TIMM50: variants seen among roughly 807,000 people sequenced by gnomAD.
TIMM50 encodes the protein mitochondrial import inner membrane translocase subunit TIM50.
A neutral mutation model predicts 49.6 loss-of-function variants in TIMM50; 34 were observed. That is an observed-to-expected ratio of 0.69 (90% confidence interval 0.52 to 0.91). The LOEUF is 0.91. TIMM50 is among the 40% of genes least tolerant of loss of function. The pLI is 0.00. For missense variants in TIMM50, 458 were observed against 477.8 expected, an observed-to-expected ratio of 0.96 and a Z score of 0.39; for synonymous variants, 199 against 198.4, an observed-to-expected ratio of 1.00 and a Z score of -0.03.
Position 39,488,603 on chromosome 19 carries a change from C to T in TIMM50, c.918C>T (p.Asp306=). The change falls in exon 10 of 11, where the codon GAC becomes GAT. Residue 306 remains aspartate, a synonymous_variant. Transcript: ENST00000607714. ...TVLEHYALED[D]PLAAFKQRQS... Reference sequence around the variant, plus strand: ...TGGAGCACTATGCCCTGGAGGATGACCCGCTGGCGGCTTTCAAACAGCGGC... The same window carrying T: ...TGGAGCACTATGCCCTGGAGGATGATCCGCTGGCGGCTTTCAAACAGCGGC... The T allele has an allele frequency of 6.2e-7, 1 of 1,613,650 alleles. No homozygotes were observed. Among genetic ancestry groups the T allele is most frequent in the Non-Finnish European group, 8.5e-7 (1 of 1,180,024 alleles).
In TIMM50 at chr19:39,486,477, G is replaced by C. The variant is rs1056501835; in HGVS notation, c.678G>C (p.Met226Ile). 4 of 1,614,036 alleles carry C rather than the reference G, an allele frequency of 2.5e-6. No individual in the cohort carries two copies. Among genetic ancestry groups the C allele is most frequent in the African/African-American group, 1.3e-5 (1 of 74,922 alleles). ...TATTCCGGGACGCCACAAGATACATGGATGGACACCATGTAAAGGTGCCGT... is the reference window on the plus strand; with the variant it reads ...TATTCCGGGACGCCACAAGATACATCGATGGACACCATGTAAAGGTGCCGT... ...YRLFRDATRY[M>I]DGHHVKDISC... is the part of the protein sequence containing the mutation. The change falls in exon 8 of 11, where the codon ATG (methionine) becomes ATC (isoleucine). Residue 226 changes from methionine to isoleucine, a missense_variant. Physicochemically the swap from Met to Ile is conservative, Grantham distance 10. Coordinates refer to ENST00000607714, the MANE Select transcript of TIMM50 (RefSeq NM_001001563.5).
At position 39,480,844 on chromosome 19, in the gene TIMM50, T is replaced by A; in HGVS notation, c.-10T>A. 6 of 1,594,894 alleles carry A rather than the reference T, an allele frequency of 3.8e-6. No homozygotes were observed. The highest frequency in any genetic ancestry group is 4.3e-6 in the Non-Finnish European group (5 of 1,171,660). On this transcript the variant is annotated 5_prime_UTR_variant, in exon 1 of 11. Coordinates refer to ENST00000607714, the MANE Select transcript of TIMM50 (RefSeq NM_001001563.5). ...AGCGAGTGGGCGGGGCCGCGTGGCG[T>A]CAGCGCAAGATGGCGGCCTCGGCAG...
intron 8 of TIMM50, among the ~76,000 whole-genome samples, chr19:39,487,748 C>A (rs1320757634): frequency 2.6e-5 from 4 of 152,112 alleles, no homozygotes. Context: ...CGTGAGCCAC[C>A]GCACCCGGCC....
At chr19:39,485,996 C>T in intron 6 of TIMM50, 189 bp downstream of exon 6, 6 of 1,125,598 alleles carry the variant, frequency 5.3e-6, no homozygotes, top group Non-Finnish European at 7.7e-6. Context: ...TAGGTGTGCC[C>T]AGGCACGCTA....
rs143110890 is a variant in TIMM50 at position 39,487,838 on chromosome 19, C to T, written c.697-223C>T. Among the ~76,000 whole-genome samples the T allele has an allele frequency of 2.9e-3, 434 of 152,222 alleles. 2 individuals carry two copies. Among genetic ancestry groups the T allele is most frequent in the African/African-American group, 1.0e-2 (415 of 41,524 alleles). ...AACTCCTGACCTCAGGTGATCCGCC[C>T]GCCTCGGCCTCCCAAAGTGCTGGGA... On this transcript the variant is annotated intron_variant, in intron 8 of 10. Coordinates refer to ENST00000607714, the MANE Select transcript of TIMM50 (RefSeq NM_001001563.5).
Position 39,488,207 on chromosome 19 carries a change from C to T in TIMM50, c.843C>T (p.Ala281=). 1.9e-6 allele frequency: 3 copies of T among 1,612,794 alleles called. No individual in the cohort carries two copies. The highest frequency in any genetic ancestry group is 1.7e-5 in the Admixed American group (1 of 59,972). ...ACCGGGTCTTGTTGGATCTGTCTGC[C>T]TTCCTCAAGAGTAAGGCTGACCCCT... ...SDDRVLLDLS[A]FLKTIALNGV... The change falls in exon 9 of 11, where the codon GCC becomes GCT. Residue 281 remains alanine (A), a synonymous_variant. Transcript: ENST00000607714.
In TIMM50 at chr19:39,490,377, A is replaced by AT. The variant is rs56770869; in HGVS notation, c.*573dup. The AT allele has an allele frequency of 0.018, 2,588 of 141,376 alleles. 50 individuals are homozygous for AT. Among genetic ancestry groups the AT allele is most frequent in the African/African-American group, 0.053 (2,035 of 38,462 alleles). 8.8% of individuals were successfully genotyped at this position (141,376 alleles called of 1,614,324 possible). On this transcript the variant is annotated 3_prime_UTR_variant, in exon 11 of 11. Transcript: ENST00000607714. ...TCAAAAGAAGCAAGAACTTGGGAAT[A>AT]TTTTTTTTTTTTTTTTGAGACAGGG...
chr19:39,486,392 C>A lies in TIMM50; in HGVS notation c.598-5C>A. ...GACCTTTTCTCGCTCCCTTCCCACC[C>A]CCAGACTGCGTTTCCACTCATTGAT... On this transcript the variant is annotated splice_polypyrimidine_tract_variant and splice_region_variant and intron_variant, in intron 7 of 10. Coordinates refer to ENST00000607714, the MANE Select transcript of TIMM50 (RefSeq NM_001001563.5). 1 of 1,614,114 alleles carries A rather than the reference C, an allele frequency of 6.2e-7. No individual in the cohort carries two copies. Among genetic ancestry groups the A allele is most frequent in the East Asian group, 2.2e-5 (1 of 44,886 alleles).
intron 10 of TIMM50, among the ~76,000 whole-genome samples, chr19:39,489,019 TGTGATA>T (rs2079526816): frequency 6.6e-6 from 1 of 151,674 alleles, no homozygotes; most frequent in Non-Finnish European, 1.5e-5. Flanking sequence ...TGGGGAGAGA[TGTGATA>T]GTCTTGGTGG....
rs756048788 is a variant in TIMM50, at chr19:39,482,945, C to CT, written c.291+29_291+30insT. 5.0e-6 allele frequency: 8 copies of CT among 1,614,146 alleles called. No homozygotes were observed. In the East Asian group the frequency reaches 1.6e-4, roughly 31 times the overall value. On this transcript the variant is annotated intron_variant, in intron 3 of 10. Transcript: ENST00000607714. ...AGGGGGAAAGAGACCGAGGCCTTGC[C>CT]AGGAGTCCTAGTCTGTGGGTGAGAG...
chr19:39,493,599 C>G lies in TIMM50; in HGVS notation c.*3779C>G, dbSNP rs941888986. ...TGATTAACCCTGCAAATTTCCTTCT[C>G]CTGGCTCAGAAGCACCCCCACTGAG... On this transcript the variant is annotated 3_prime_UTR_variant, in exon 11 of 11. Coordinates refer to ENST00000607714, the MANE Select transcript of TIMM50 (RefSeq NM_001001563.5). The G allele has an allele frequency of 6.6e-6, 1 of 152,170 alleles. No individual in the cohort carries two copies. The highest frequency in any genetic ancestry group is 2.4e-5 in the African/African-American group (1 of 41,430). The allele number at this position is 152,170 out of a possible 1,614,324, so 9.4% of individuals were successfully genotyped here.
intron 4 of TIMM50, among the ~76,000 whole-genome samples, chr19:39,484,032 T>C (rs1323837163): frequency 6.6e-6 from 1 of 151,964 alleles, no homozygotes; most frequent in Non-Finnish European, 1.5e-5. Flanking sequence ...TTTTATAGTT[T>C]TAGTAGAGAC....
chr19:39,489,529 T>G (rs1324692091), intron 10 of TIMM50, among the ~76,000 whole-genome samples, 190 bp from the exon 11 acceptor site: 2 of 149,886 alleles, frequency 1.3e-5, no homozygotes, highest in Admixed American at 6.6e-5. Flanking sequence ...GTGTCTGGGG[T>G]GGGGGGACTG....
intron 9 of TIMM50, 91 bp from the exon 10 acceptor site, chr19:39,488,448 C>T: frequency 8.0e-7 from 1 of 1,249,672 alleles, no homozygotes; most frequent in East Asian, 2.3e-5. Flanking sequence ...ACTGACTGCC[C>T]CCGTGCCCCA....
intron 4 of TIMM50, chr19:39,485,047 C>T (rs1289806804): frequency 6.1e-6 from 1 of 164,600 alleles, no homozygotes; most frequent in East Asian, 1.7e-4. Flanking sequence ...ACCTCCACCT[C>T]CCGGGTTCAA....
At chr19:39,483,324 C>T in intron 4 of TIMM50, 168 bp downstream of exon 4, 1 of 823,470 alleles carries the variant, frequency 1.2e-6, no homozygotes, top group East Asian at 2.6e-5. Flanking sequence ...AAAGCCCAAG[C>T]CCACTTCCCT....
Position 39,480,879 on chromosome 19 carries a change from C to T in TIMM50, c.26C>T (p.Ser9Leu), listed in dbSNP as rs35135520. Residue 9 changes from serine (S) to leucine (L), a missense_variant, in exon 1 of 11, where the codon TCG becomes TTG. Physicochemically the swap from Ser to Leu is moderately radical, Grantham distance 145 (BLOSUM62 -2). Coordinates refer to ENST00000607714, the MANE Select transcript of TIMM50 (RefSeq NM_001001563.5). The stretch of plus-strand genomic sequence containing the variant: ...ATGGCGGCCTCGGCAGCGGTGTTCT[C>T]GCGCTTGCGAAGCGGGCTCCGGCTC... The part of the protein sequence containing the change: MAASAAVF[S>L]RLRSGLRLGS... 2.5e-6 allele frequency: 4 copies of T among 1,599,522 alleles called. No individual in the cohort carries two copies. The highest frequency in any genetic ancestry group is 1.3e-5 in the African/African-American group (1 of 74,774).
Position 39,486,382 on chromosome 19 carries a change from C to T in TIMM50, c.598-15C>T, listed in dbSNP as rs45611439. ...GGCTCAGCCTGACCTTTTCTCGCTC[C>T]CTTCCCACCCCCAGACTGCGTTTCC... On this transcript the variant is annotated splice_polypyrimidine_tract_variant and intron_variant, in intron 7 of 10. Coordinates refer to ENST00000607714, the MANE Select transcript of TIMM50 (RefSeq NM_001001563.5). 9,524 of 1,613,982 alleles carry T rather than the reference C, an allele frequency of 5.9e-3. 30 individuals are homozygous for T. Among genetic ancestry groups the T allele is most frequent in the Middle Eastern group, 7.6e-3 (46 of 6,062 alleles).
rs886084760 is a variant in TIMM50, at chr19:39,490,724, T to C, written c.*904T>C. 2 of 152,028 alleles carry C rather than the reference T, an allele frequency of 1.3e-5. No individual in the cohort carries two copies. Among genetic ancestry groups the C allele is most frequent in the Admixed American group, 6.6e-5 (1 of 15,266 alleles). The allele number at this position is 152,028 out of a possible 1,614,324, so 9.4% of individuals were successfully genotyped here. A position where few individuals can be genotyped will look rare whatever the true frequency, so the allele number is the denominator to read the frequency against. ...ATTTTTATATTAAATCTCCCTATTT[T>C]AAAATGTTGGCTCCTAGCGGGGCGC... On this transcript the variant is annotated 3_prime_UTR_variant, in exon 11 of 11. Coordinates refer to ENST00000607714, the MANE Select transcript of TIMM50 (RefSeq NM_001001563.5).
Sources: gnomAD v4.1 joint callset for allele counts (sites outside exome capture counted in the v4.1 genomes callset) on GRCh38, gnomAD v4.1.1 for gene constraint, MANE v1.5 for transcripts, NCBI Gene and HGNC (gene_info 2026-07-23, HGNC 2026-07-21) for gene names.